Variants in GUCY1A2 observed in about 807,000 individuals in gnomAD.
GUCY1A2 encodes the protein guanylate cyclase 1 soluble subunit alpha 2.
Under a neutral mutation model 63.5 loss-of-function variants are expected in GUCY1A2, and 27 were observed. That is an observed-to-expected ratio of 0.43 (90% CI 0.31 to 0.59). GUCY1A2 has a LOEUF of 0.59. Ranked by LOEUF, GUCY1A2 falls within the 20% of genes least tolerant of loss-of-function variation. The probability of loss-of-function intolerance (pLI) is 0.11; values close to 1 mark genes in which losing one functional copy is unlikely to be tolerated. For synonymous variants in GUCY1A2, 364 were observed against 343.5 expected (o/e 1.06, Z -0.66); for missense variants, 768 against 913.3 (o/e 0.84, Z 2.05).
chr11:106,821,817 T>G (rs975260263), intron 4 of GUCY1A2, among the ~76,000 whole-genome samples: 1 of 152,182 alleles, frequency 6.6e-6, no homozygotes, highest in South Asian at 2.1e-4. Flanking sequence ...ATTATTATTA[T>G]GTGTTTGTGT....
intron 5 of GUCY1A2, among the ~76,000 whole-genome samples, chr11:106,797,584 A>T (rs1405903901): frequency 6.6e-6 from 1 of 152,224 alleles, no homozygotes; most frequent in Non-Finnish European, 1.5e-5. Flanking sequence ...ACCACAGTGT[A>T]ATCAAACTAG....
At chr11:106,708,315 G>T (rs1313886526) in intron 7 of GUCY1A2, among the ~76,000 whole-genome samples, 197 bp downstream of exon 7, 2 of 152,062 alleles carry the variant, frequency 1.3e-5, no homozygotes, top group Admixed American at 1.3e-4. Context: ...AGTCATGTCA[G>T]ATTTTTCATG....
intron 4 of GUCY1A2, among the ~76,000 whole-genome samples, chr11:106,881,866 ATAT>A (rs1291325376): frequency 3.9e-5 from 6 of 152,178 alleles, no homozygotes; most frequent in African/African-American, 1.4e-4. Flanking sequence ...TAATAAAGGG[ATAT>A]TATTATAGAA....
chr11:106,819,276 TA>T (rs1226739865), intron 4 of GUCY1A2, among the ~76,000 whole-genome samples: 4 of 152,184 alleles, frequency 2.6e-5, no homozygotes, highest in Admixed American at 6.6e-5. Context: ...GAATATTACC[TA>T]AAATTAGTTG....
At chr11:106,938,779 G>T (rs1278336548) in intron 4 of GUCY1A2, among the ~76,000 whole-genome samples, 1 of 151,948 alleles carries the variant, frequency 6.6e-6, no homozygotes, top group South Asian at 2.1e-4. Context: ...ATTTATTTCT[G>T]GTGTCTTTTC....
intron 4 of GUCY1A2, among the ~76,000 whole-genome samples, chr11:106,907,805 T>C (rs991970987): frequency 3.2e-4 from 49 of 152,146 alleles, no homozygotes; most frequent in Admixed American, 1.9e-3. Flanking sequence ...CAGTCTATCA[T>C]TGTTGGACAT....
intron 6 of GUCY1A2, among the ~76,000 whole-genome samples, chr11:106,767,453 G>T (rs960542089): frequency 2.6e-5 from 4 of 151,992 alleles, no homozygotes; most frequent in Non-Finnish European, 5.9e-5. Context: ...TGGGAAATCT[G>T]TTTGACAAAT....
At chr11:106,846,947 G>C (rs1312493991) in intron 4 of GUCY1A2, among the ~76,000 whole-genome samples, 2 of 151,022 alleles carry the variant, frequency 1.3e-5, no homozygotes, top group Non-Finnish European at 3.0e-5. Context: ...TAAGTCTCAA[G>C]GGACCAAAAA....
chr11:106,959,348 CTT>C (rs1040339657), intron 3 of GUCY1A2, among the ~76,000 whole-genome samples: 2 of 152,170 alleles, frequency 1.3e-5, no homozygotes, highest in African/African-American at 4.8e-5. Flanking sequence ...CATGGCTTCT[CTT>C]TTCTTTTGTA....
At position 106,916,806 on chromosome 11, in the gene GUCY1A2, T is replaced by C. The variant is rs1860375879; in HGVS notation, c.1206+22654A>G. Among the ~76,000 whole-genome samples the C allele has an allele frequency of 2.1e-5, 3 of 145,346 alleles. 1 individual carries two copies. The highest frequency in any genetic ancestry group is 7.3e-5 in the African/African-American group (3 of 40,912). ...GGAAAACCTGGGCTGAGTCTGCTCT[T>C]TCATATGAAAGACAACTTACATAAA... On this transcript the variant is annotated intron_variant, in intron 4 of 7. Transcript: ENST00000526355.
At chr11:106,908,054 A>G (rs1296230022) in intron 4 of GUCY1A2, among the ~76,000 whole-genome samples, 2 of 152,144 alleles carry the variant, frequency 1.3e-5, no homozygotes, top group Non-Finnish European at 2.9e-5. Context: ...TAGTAGTATA[A>G]CACACATCTA....
chr11:106,743,390 G>A (rs957135210), intron 6 of GUCY1A2, among the ~76,000 whole-genome samples: 1 of 152,182 alleles, frequency 6.6e-6, no homozygotes, highest in Non-Finnish European at 1.5e-5. Context: ...GTTTACAGTG[G>A]TGATAATGAT....
intron 4 of GUCY1A2, among the ~76,000 whole-genome samples, chr11:106,841,423 C>G (rs1475548852): frequency 1.3e-5 from 2 of 151,820 alleles, no homozygotes; most frequent in Non-Finnish European, 1.5e-5. Flanking sequence ...AATTCCCTGT[C>G]CACAGGGAAT....
intron 1 of GUCY1A2, among the ~76,000 whole-genome samples, chr11:107,012,471 C>T (rs1861760837): frequency 6.6e-6 from 1 of 152,202 alleles, no homozygotes; most frequent in South Asian, 2.1e-4. Flanking sequence ...CCTCCTTATA[C>T]ACAACAAACC....
chr11:106,688,268 A>T (rs1045800294), intron 7 of GUCY1A2, among the ~76,000 whole-genome samples: 5 of 152,140 alleles, frequency 3.3e-5, no homozygotes, highest in African/African-American at 9.7e-5. Context: ...GTGACTCCCA[A>T]TGTCTCTGAT....
chr11:106,929,267 A>G (rs1398998737), intron 4 of GUCY1A2, among the ~76,000 whole-genome samples: 1 of 152,192 alleles, frequency 6.6e-6, no homozygotes. Context: ...TTTATTATTC[A>G]TCATAGATCA....
chr11:106,959,715 GAGAC>G (rs1289119058), intron 3 of GUCY1A2, among the ~76,000 whole-genome samples: 1 of 152,234 alleles, frequency 6.6e-6, no homozygotes, highest in Non-Finnish European at 1.5e-5. Flanking sequence ...GAGATCAGCT[GAGAC>G]CTCTGTTGTG....
intron 4 of GUCY1A2, among the ~76,000 whole-genome samples, chr11:106,929,591 A>C (rs534000193): frequency 2.5e-4 from 38 of 152,346 alleles, no homozygotes; most frequent in Non-Finnish European, 4.1e-4. Context: ...CATTACAAAA[A>C]TAACGTGATC....
intron 3 of GUCY1A2, among the ~76,000 whole-genome samples, chr11:106,947,686 C>CAT (rs1389901307): frequency 6.6e-6 from 1 of 151,766 alleles, no homozygotes; most frequent in African/African-American, 2.4e-5. Flanking sequence ...CAAAAGGTGG[C>CAT]ATATATATTT....
Sources: gnomAD v4.1 joint callset for allele counts (sites outside exome capture counted in the v4.1 genomes callset) on GRCh38, gnomAD v4.1.1 for gene constraint, MANE v1.5 for transcripts, NCBI Gene and HGNC (gene_info 2026-07-23, HGNC 2026-07-21) for gene names.